Variants in PLPPR3 observed in about 807,000 individuals in gnomAD.
The protein encoded by PLPPR3 is phospholipid phosphatase related 3, also known as phospholipid phosphatase-related protein type 3.
PLPPR3 carries 14 observed loss-of-function variants against 27.3 expected under a neutral mutation model. The ratio of observed to expected loss-of-function variants is 0.51; its 90% confidence interval spans 0.34 to 0.80. The LOEUF is 0.80. Ranked by LOEUF, PLPPR3 falls within the 30% of genes least tolerant of loss-of-function variation. PLPPR3 has a pLI of 0.01. For synonymous variants in PLPPR3, 671 were observed against 508.0 expected (o/e 1.32, Z -4.32); for missense variants, 1,287 against 1,056.9 (o/e 1.22, Z -3.02).
chr19:813,263 C>A lies in PLPPR3; in HGVS notation c.1464G>T (p.Ala488=). The part of the protein sequence containing the change: ...LGPRVILPPR[A]GPPPLVHIPE... ...GGATGTGCACCAGCGGCGGCGGCCCCGCGCGCGGTGGGAGGATGACCCGAG... is the reference window on the plus strand; with the variant it reads ...GGATGTGCACCAGCGGCGGCGGCCCAGCGCGCGGTGGGAGGATGACCCGAG... The change falls in exon 8 of 8, where the codon GCG becomes GCT. Residue 488 remains alanine, a synonymous_variant. Coordinates refer to ENST00000520876, the MANE Select transcript of PLPPR3 (RefSeq NM_001270366.2). The surrounding 1 kb of genome is among the most constrained non-coding windows in gnomAD (Gnocchi z 4.1). 6.8e-7 allele frequency: 1 copy of A among 1,472,344 alleles called. No individual in the cohort carries two copies. Among genetic ancestry groups the A allele is most frequent in the Non-Finnish European group, 8.9e-7 (1 of 1,121,654 alleles). 91.2% of individuals were successfully genotyped at this position (1,472,344 alleles called of 1,614,324 possible).
Position 813,883 on chromosome 19 carries a change from C to CCG in PLPPR3, c.842_843dup (p.Val282ArgfsTer26), listed in dbSNP as rs2034999953. 7.0e-7 allele frequency: 1 copy of CCG among 1,436,244 alleles called. No individual in the cohort carries two copies. Among genetic ancestry groups the CCG allele is most frequent in the Admixed American group, 2.9e-5 (1 of 34,954 alleles). 89.0% of individuals were successfully genotyped at this position (1,436,244 alleles called of 1,614,324 possible). The stretch of plus-strand genomic sequence containing the variant: ...GCAGGTGGGGCCTGGAAGTTGCCCA[C>CCG]CGCGTGGCAGGCCTGTCGGGGAGAG... On this transcript the variant is annotated frameshift_variant, in exon 8 of 8. Transcript: ENST00000520876. LOFTEE classifies it low-confidence loss of function (END_TRUNC). The surrounding 1 kb of genome is among the most constrained non-coding windows in gnomAD (Gnocchi z 4.1).
At position 812,844 on chromosome 19, in the gene PLPPR3, A is replaced by C; in HGVS notation, c.1883T>G (p.Phe628Cys). 1 of 1,126,670 alleles carries C rather than the reference A, an allele frequency of 8.9e-7. No homozygotes were observed. Among genetic ancestry groups the C allele is most frequent in the Non-Finnish European group, 1.1e-6 (1 of 919,542 alleles). The allele number at this position is 1,126,670 out of a possible 1,614,324, so 69.8% of individuals were successfully genotyped here. A position where few individuals can be genotyped will look rare whatever the true frequency, so the allele number is the denominator to read the frequency against. ...GCCCGGGGGCTTGGCCCCGCCGCGG[A>C]AGCCGCGCGCCAGGTCCCCCAGCTC... ...GYELGDLARG[F>C]RGGAKPPGVS... Residue 628 changes from phenylalanine to cysteine, a missense_variant, in exon 8 of 8, where the codon TTC (phenylalanine) becomes TGC (cysteine). Transcript: ENST00000520876.
upstream of PLPPR3, among the ~76,000 whole-genome samples, chr19:823,119 C>T (rs551721020): frequency 7.8e-6 from 1 of 128,940 alleles, no homozygotes; most frequent in Non-Finnish European, 1.7e-5. Flanking sequence ...GACTCTGTCT[C>T]AAAACAAACA....
chr19:821,094 C>T (rs1471882236), intron 2 of PLPPR3, among the ~76,000 whole-genome samples: 1 of 152,184 alleles, frequency 6.6e-6, no homozygotes, highest in Non-Finnish European at 1.5e-5. Context: ...CCAGCCTCAC[C>T]ATTAGCAGAG....
chr19:823,106 C>T (rs1462334424), upstream of PLPPR3, among the ~76,000 whole-genome samples: 4 of 140,868 alleles, frequency 2.8e-5, no homozygotes, highest in Non-Finnish European at 4.6e-5. Flanking sequence ...GCAACAAGAG[C>T]GAGACTCTGT....
chr19:815,165 G>A (rs1304539602), intron 4 of PLPPR3, 21 bp downstream of exon 4: 13 of 1,601,994 alleles, frequency 8.1e-6, no homozygotes, highest in African/African-American at 6.7e-5. Context: ...GCTCAGGGTC[G>A]GGGCGCGTCC....
At chr19:815,137 C>A in intron 4 of PLPPR3, 49 bp downstream of exon 4, 2 of 1,600,732 alleles carry the variant, frequency 1.2e-6, no homozygotes, top group Non-Finnish European at 1.7e-6. Context: ...ACAGCCCCAC[C>A]CCCTGCATGT....
In PLPPR3 at chr19:815,263, G is replaced by A; in HGVS notation, c.326C>T (p.Pro109Leu). ...GTTGATGCTGCCCTCCGCCCCGGCGGGCCCCCCGGCACGGCCCCACAGCCG... is the reference window on the plus strand; with the variant it reads ...GTTGATGCTGCCCTCCGCCCCGGCGAGCCCCCCGGCACGGCCCCACAGCCG... ...QSRLWGRAGG[P>L]AGAEGSINAG... Residue 109 changes from proline to leucine, a missense_variant, in exon 4 of 8, where the codon CCC (proline) becomes CTC (leucine). Pro to Leu is a moderately conservative substitution (Grantham distance 98). Transcript: ENST00000520876. 1 of 1,563,254 alleles carries A rather than the reference G, an allele frequency of 6.4e-7. No individual in the cohort carries two copies.
In PLPPR3 at chr19:821,593, G is replaced by A. The variant is rs895956850; in HGVS notation, c.-26-8C>T. ...GGGCGCCGCAGGCCGTGGCTGGAGG[G>A]GAGAAAGCGGCGCTGGAGGGGGGCG... On this transcript the variant is annotated splice_polypyrimidine_tract_variant and splice_region_variant and intron_variant, in intron 1 of 7. Coordinates refer to ENST00000520876, the MANE Select transcript of PLPPR3 (RefSeq NM_001270366.2). 4 of 1,456,714 alleles carry A rather than the reference G, an allele frequency of 2.7e-6. No homozygotes were observed. Among genetic ancestry groups the A allele is most frequent in the African/African-American group, 1.5e-5 (1 of 67,760 alleles). 90.2% of individuals were successfully genotyped at this position (1,456,714 alleles called of 1,614,324 possible).
At position 812,977 on chromosome 19, in the gene PLPPR3, C is replaced by T. The variant is rs1568282624; in HGVS notation, c.1750G>A (p.Asp584Asn). Residue 584 changes from aspartate to asparagine, a missense_variant, in exon 8 of 8, where the codon GAC becomes AAC. Asp to Asn is a conservative substitution (Grantham distance 23). Coordinates refer to ENST00000520876, the MANE Select transcript of PLPPR3 (RefSeq NM_001270366.2). Reference protein sequence around the residue: ...DRDSASIVTIDAHAPHHPVVH... With the variant: ...DRDSASIVTINAHAPHHPVVH... ...ACGGGGTGGTGCGGCGCGTGCGCGT[C>T]GATGGTCACGATGCTGGCGGAGTCG... 6.7e-7 allele frequency: 1 copy of T among 1,496,336 alleles called. No homozygotes were observed. The highest frequency in any genetic ancestry group is 8.9e-7 in the Non-Finnish European group (1 of 1,129,580). 92.7% of individuals were successfully genotyped at this position (1,496,336 alleles called of 1,614,324 possible).
At chr19:821,701 C>T (rs2035149292) in intron 1 of PLPPR3, 116 bp from the exon 2 acceptor site, 4 of 488,326 alleles carry the variant, frequency 8.2e-6, no homozygotes, top group South Asian at 8.9e-5. Flanking sequence ...CAGAGAGCGG[C>T]GTCCGCGTGG....
At chr19:818,545 A>G (rs1962949258) in intron 2 of PLPPR3, among the ~76,000 whole-genome samples, 3 of 151,382 alleles carry the variant, frequency 2.0e-5, no homozygotes, top group Admixed American at 6.6e-5. Flanking sequence ...TACTAAATAC[A>G]TACTTTTTTT....
intron 2 of PLPPR3, among the ~76,000 whole-genome samples, chr19:818,752 C>G (rs1053767435): frequency 2.0e-5 from 3 of 152,028 alleles, no homozygotes; most frequent in African/African-American, 7.2e-5. Flanking sequence ...CCAGGATGGT[C>G]TCGATCTCCT....
chr19:812,842 G>A lies in PLPPR3; in HGVS notation c.1885C>T (p.Arg629Cys). 7 of 1,125,204 alleles carry A rather than the reference G, an allele frequency of 6.2e-6. No individual in the cohort carries two copies. The South Asian group carries it at 2.0e-4, about 32-fold the overall frequency. The allele number at this position is 1,125,204 out of a possible 1,614,324, so 69.7% of individuals were successfully genotyped here. ...ACGCCCGGGGGCTTGGCCCCGCCGC[G>A]GAAGCCGCGCGCCAGGTCCCCCAGC... ...YELGDLARGF[R>C]GGAKPPGVSP... Residue 629 changes from arginine (R) to cysteine (C), a missense_variant, in exon 8 of 8, where the codon CGC (arginine) becomes TGC (cysteine). By Grantham distance (180) the Arg-to-Cys change is radical. Transcript: ENST00000520876.
In PLPPR3 at chr19:813,345, T is replaced by C. The variant is rs2034977199; in HGVS notation, c.1382A>G (p.Glu461Gly). 8.8e-6 allele frequency: 13 copies of C among 1,475,682 alleles called. No homozygotes were observed. The highest frequency in any genetic ancestry group is 1.4e-5 in the African/African-American group (1 of 69,156). 91.4% of individuals were successfully genotyped at this position (1,475,682 alleles called of 1,614,324 possible). ...EEEEEEEEED[E>G]GPAPPSLYPT... Reference sequence around the variant, plus strand: ...GTAGAGCGAGGGCGGGGCCGGGCCCTCGTCCTCCTCCTCTTCCTCCTCCTC... The same window carrying C: ...GTAGAGCGAGGGCGGGGCCGGGCCCCCGTCCTCCTCCTCTTCCTCCTCCTC... The change falls in exon 8 of 8, where the codon GAG becomes GGG. Residue 461 changes from glutamate to glycine, a missense_variant. By Grantham distance (98) the Glu-to-Gly change is moderately conservative (BLOSUM62 -2). Coordinates refer to ENST00000520876, the MANE Select transcript of PLPPR3 (RefSeq NM_001270366.2). The surrounding 1 kb of genome is among the most constrained non-coding windows in gnomAD (Gnocchi z 4.1).
At position 814,723 on chromosome 19, in the gene PLPPR3, G is replaced by A. The variant is rs769718931; in HGVS notation, c.626C>T (p.Thr209Met). 2.8e-5 allele frequency: 45 copies of A among 1,585,190 alleles called. No homozygotes were observed. The East Asian group carries it at 3.1e-4, about 11-fold the overall frequency. ...ATAGACCGCGGCGAAGGCTGACAGC[G>A]TGGCGTGCTGGGACGGGAAGGTCTT... ...ARKTFPSQHA[T>M]LSAFAAVYVS... The change falls in exon 6 of 8, where the codon ACG (threonine) becomes ATG (methionine). Residue 209 changes from threonine to methionine, a missense_variant. Physicochemically the swap from Thr to Met is moderately conservative, Grantham distance 81. Transcript: ENST00000520876.
chr19:814,179 C>T (rs1194728160), intron 7 of PLPPR3, among the ~76,000 whole-genome samples: 1 of 151,712 alleles, frequency 6.6e-6, no homozygotes, highest in African/African-American at 2.4e-5. Context: ...ACCCTGGGCA[C>T]CCGTGCCTCC....
In PLPPR3 at chr19:812,740, T is replaced by C; in HGVS notation, c.1987A>G (p.Thr663Ala). The C allele has an allele frequency of 9.4e-7, 1 of 1,068,946 alleles. No individual in the cohort carries two copies. Among genetic ancestry groups the C allele is most frequent in the Non-Finnish European group, 1.1e-6 (1 of 883,170 alleles). 66.2% of individuals were successfully genotyped at this position (1,068,946 alleles called of 1,614,324 possible). A position where few individuals can be genotyped will look rare whatever the true frequency, so the allele number is the denominator to read the frequency against. ...FGAVATVNLA[T>A]GEGLPPLGAA... The stretch of plus-strand genomic sequence containing the variant: ...CCCAGCGGGGGCAGCCCCTCGCCCG[T>C]GGCCAGGTTGACGGTGGCCACGGCC... Residue 663 changes from threonine (T) to alanine (A), a missense_variant, in exon 8 of 8, where the codon ACG becomes GCG. By Grantham distance (58) the Thr-to-Ala change is moderately conservative. Transcript: ENST00000520876.
chr19:823,745 G>C (rs2035183518), upstream of PLPPR3, among the ~76,000 whole-genome samples: 1 of 152,066 alleles, frequency 6.6e-6, no homozygotes, highest in Non-Finnish European at 1.5e-5. Flanking sequence ...GTCACAGGTG[G>C]GTCCCATTCG....
Sources: allele counts gnomAD v4.1 joint callset (sites outside exome capture counted in the v4.1 genomes callset), GRCh38; gene constraint gnomAD v4.1.1; non-coding constraint Gnocchi (gnomAD v3.1); transcripts MANE v1.5; gene names NCBI Gene and HGNC (gene_info 2026-07-23, HGNC 2026-07-21).